The following MNAT1 variants were observed in gnomAD, a reference collection of about 807,000 sequenced individuals.
MNAT1 encodes the protein MNAT1 component of CDK activating kinase.
In MNAT1, 43 loss-of-function variants were observed where a neutral mutation model predicts 42.0. That is an observed-to-expected ratio of 1.02 (90% CI 0.80 to 1.32). The LOEUF (loss-of-function observed/expected upper bound fraction) is 1.32. Among genes scored for constraint, MNAT1 ranks in the 40% most tolerant of loss-of-function variants. The pLI, the probability that MNAT1 is intolerant of heterozygous loss-of-function variation, is 0.00. For missense variants in MNAT1, 306 were observed against 350.4 expected, an observed-to-expected ratio of 0.87 and a Z score of 1.01; for synonymous variants, 118 against 120.0, an observed-to-expected ratio of 0.98 and a Z score of 0.11.
intron 7 of MNAT1, among the ~76,000 whole-genome samples, chr14:60,923,656 T>G (rs768843668): frequency 1.3e-5 from 2 of 152,172 alleles, no homozygotes; most frequent in Admixed American, 1.3e-4. Flanking sequence ...ATCTTCTAAT[T>G]ATTTCATTAG....
chr14:60,806,375 A>G (rs995613124), intron 3 of MNAT1, among the ~76,000 whole-genome samples: 23 of 152,166 alleles, frequency 1.5e-4, no homozygotes, highest in African/African-American at 4.3e-4. Context: ...GATGAGCCCT[A>G]TGGGTAGGGA....
At chr14:60,889,106 G>C (rs2034764722) in intron 7 of MNAT1, among the ~76,000 whole-genome samples, 1 of 151,768 alleles carries the variant, frequency 6.6e-6, no homozygotes, top group Non-Finnish European at 1.5e-5. Context: ...TTACTTTAAA[G>C]TTCATATGGA....
In MNAT1 at chr14:60,967,445, G is replaced by A. The variant is rs1684405956; in HGVS notation, c.810-784G>A. On this transcript the variant is annotated intron_variant, in intron 7 of 7. Coordinates refer to ENST00000261245, the MANE Select transcript of MNAT1 (RefSeq NM_002431.4). ...CATTAAAAGAAAGCTGGAATTATTT[G>A]TTTCCAGAAGTGTTAGTAGTCATGC... Among the ~76,000 whole-genome samples, 4 of 152,140 alleles carry A rather than the reference G, an allele frequency of 2.6e-5. 1 individual carries two copies. The South Asian group carries it at 8.3e-4, about 32-fold the overall frequency.
intron 7 of MNAT1, among the ~76,000 whole-genome samples, chr14:60,887,599 T>G (rs2034709603): frequency 6.6e-6 from 1 of 151,494 alleles, no homozygotes; most frequent in Admixed American, 6.6e-5. Context: ...TTCCATGGTG[T>G]AGCAGAACTG....
At chr14:60,936,303 T>C (rs1594890214) in intron 7 of MNAT1, among the ~76,000 whole-genome samples, 3 of 152,274 alleles carry the variant, frequency 2.0e-5, no homozygotes, top group African/African-American at 7.2e-5. Flanking sequence ...TGTGTATACA[T>C]GTGTCATGTT....
intron 7 of MNAT1, among the ~76,000 whole-genome samples, chr14:60,888,625 G>A (rs892947586): frequency 6.6e-5 from 10 of 150,488 alleles, no homozygotes; most frequent in Non-Finnish European, 1.3e-4. Context: ...AGGAAATAAA[G>A]GGCATTCAAT....
intron 7 of MNAT1, among the ~76,000 whole-genome samples, chr14:60,931,688 T>G (rs4151361): frequency 0.017 from 2,635 of 152,290 alleles, 39 homozygotes; most frequent in East Asian, 0.09. Context: ...AGACCCTTAA[T>G]ATTTTTGATT....
At chr14:60,874,546 T>C (rs995329455) in intron 6 of MNAT1, among the ~76,000 whole-genome samples, 9 of 152,102 alleles carry the variant, frequency 5.9e-5, no homozygotes, top group African/African-American at 1.9e-4. Flanking sequence ...CCCTTGATAT[T>C]CTATCTTTTT....
Position 60,931,649 on chromosome 14 carries a change from G to A in MNAT1, c.810-36580G>A, listed in dbSNP as rs750633155. On this transcript the variant is annotated intron_variant, in intron 7 of 7. Coordinates refer to ENST00000261245, the MANE Select transcript of MNAT1 (RefSeq NM_002431.4). ...AAAAATATGTCTGTAGATACATATC[G>A]TAGACCTGAATTGTATATTTAATAT... is the stretch of plus-strand genomic sequence containing the variant. 1.3e-3 allele frequency among the ~76,000 whole-genome samples: 192 copies of A among 152,038 alleles called. 6 individuals carry two copies. Among genetic ancestry groups the A allele is most frequent in the Non-Finnish European group, 2.5e-4 (17 of 67,980 alleles).
At chr14:60,881,850 C>G (rs764968122) in intron 7 of MNAT1, among the ~76,000 whole-genome samples, 48 of 151,794 alleles carry the variant, frequency 3.2e-4, no homozygotes, top group Non-Finnish European at 5.3e-4. Context: ...CTATAGTCAC[C>G]CTGTTGTTCT....
At chr14:60,962,638 A>C (rs779967999) in intron 7 of MNAT1, among the ~76,000 whole-genome samples, 4 of 152,368 alleles carry the variant, frequency 2.6e-5, no homozygotes, top group Admixed American at 2.0e-4. Flanking sequence ...ACACAGTTAT[A>C]GTATAACTGG....
intron 3 of MNAT1, among the ~76,000 whole-genome samples, chr14:60,804,522 T>G (rs1442782551): frequency 2.6e-5 from 4 of 152,070 alleles, no homozygotes; most frequent in African/African-American, 9.7e-5. Context: ...TTTTAAATTT[T>G]TATTTATTCA....
At chr14:60,778,870 C>T (rs1199069979) in intron 1 of MNAT1, among the ~76,000 whole-genome samples, 1 of 152,170 alleles carries the variant, frequency 6.6e-6, no homozygotes, top group African/African-American at 2.4e-5. Context: ...GTAATATGTA[C>T]ACGGGTTCAA....
chr14:60,891,128 G>T (rs936455857), intron 7 of MNAT1, among the ~76,000 whole-genome samples: 1 of 151,840 alleles, frequency 6.6e-6, no homozygotes, highest in Non-Finnish European at 1.5e-5. Flanking sequence ...GGTAATAATG[G>T]CTCCACTTTC....
chr14:60,798,094 A>C lies in MNAT1; in HGVS notation c.250A>C (p.Lys84Gln), dbSNP rs118051600. ...IRKKVLKIYN[K>Q]REEDFPSLRE... ...TTTTTTCTTTTCTTAAAGATACAAT[A>C]AAAGGGAAGAAGATTTTCCTAGTCT... is the stretch of plus-strand genomic sequence containing the variant. The change falls in exon 3 of 8, where the codon AAA becomes CAA. Residue 84 changes from lysine (K) to glutamine (Q), a missense_variant. Around this residue, in one of 3 missense-constraint regions of MNAT1, gnomAD observed 72 missense variants for 111.0 expected, o/e 0.65. Transcript: ENST00000261245. 48 of 1,411,580 alleles carry C rather than the reference A, an allele frequency of 3.4e-5. No homozygotes were observed. The East Asian group carries it at 1.1e-3, about 32-fold the overall frequency. The allele number at this position is 1,411,580 out of a possible 1,614,324, so 87.4% of individuals were successfully genotyped here.
At chr14:60,932,834 G>T (rs1482819432) in intron 7 of MNAT1, among the ~76,000 whole-genome samples, 1 of 151,836 alleles carries the variant, frequency 6.6e-6, no homozygotes, top group Non-Finnish European at 1.5e-5. Context: ...TCATAATTTG[G>T]TGTATACTGT....
rs181688356 is a variant in MNAT1, at chr14:60,741,507, G to A, written c.89+6556G>A. ...TCCGAGTAGCTGGGATTACAGGCAC[G>A]GGCCACCACGTCTGGCTAATTTTTT... is the stretch of plus-strand genomic sequence containing the variant. On this transcript the variant is annotated intron_variant, in intron 1 of 7. Transcript: ENST00000261245. Among the ~76,000 whole-genome samples the A allele has an allele frequency of 1.8e-3, 276 of 151,880 alleles. 1 individual carries two copies. The highest frequency in any genetic ancestry group is 6.0e-3 in the African/African-American group (249 of 41,424).
At chr14:60,903,436 A>G (rs1364317315) in intron 7 of MNAT1, among the ~76,000 whole-genome samples, 1 of 152,320 alleles carries the variant, frequency 6.6e-6, no homozygotes, top group South Asian at 2.1e-4. Flanking sequence ...CCAGTGAAAA[A>G]TAATTGAGGC....
intron 7 of MNAT1, among the ~76,000 whole-genome samples, chr14:60,940,773 T>C (rs117869103): frequency 0.023 from 3,489 of 152,290 alleles, 63 homozygotes; most frequent in Non-Finnish European, 0.038. Context: ...AATAAACTTA[T>C]GATGAGATAT....
Sources: gnomAD v4.1 joint callset for allele counts (sites outside exome capture counted in the v4.1 genomes callset) on GRCh38, gnomAD v4.1.1 for gene constraint, gnomAD v4.1.1 regional missense constraint, MANE v1.5 for transcripts, NCBI Gene and HGNC (gene_info 2026-07-23, HGNC 2026-07-21) for gene names.